Variants in C12orf56 observed in about 807,000 individuals in gnomAD.
C12orf56 encodes the protein chromosome 12 open reading frame 56, also known as uncharacterized protein C12orf56.
Under a neutral mutation model 69.9 loss-of-function variants are expected in C12orf56, and 71 were observed. That is an observed-to-expected ratio of 1.02 (90% CI 0.84 to 1.24). The LOEUF is 1.24. Ranked by LOEUF, C12orf56 falls within the 50% of genes most tolerant of loss-of-function variation. The probability of loss-of-function intolerance (pLI) is 0.00; values close to 1 mark genes in which losing one functional copy is unlikely to be tolerated. For synonymous variants in C12orf56, 276 were observed against 274.1 expected (o/e 1.01, Z -0.07); for missense variants, 732 against 738.5 (o/e 0.99, Z 0.10).
chr12:64,280,528 G>A (rs2038107713), intron 8 of C12orf56, among the ~76,000 whole-genome samples: 1 of 152,124 alleles, frequency 6.6e-6, no homozygotes, highest in African/African-American at 2.4e-5. Context: ...TTCCCCTTAA[G>A]TATGGGCAAT....
In C12orf56 at chr12:64,390,409, C is replaced by T; in HGVS notation, c.157G>A (p.Val53Met). The change falls in exon 1 of 13, where the codon GTG becomes ATG. Residue 53 changes from valine (V) to methionine (M), a missense_variant. Val to Met is a conservative substitution (Grantham distance 21). Coordinates refer to ENST00000543942, the MANE Select transcript of C12orf56 (RefSeq NM_001170633.2). Reference protein sequence around the residue: ...SNSENHILKYVVLSDRLVYLT... With the variant: ...SNSENHILKYMVLSDRLVYLT... ...TAGACGAGCCGGTCGCTTAGCACCA[C>T]ATACTTGAGGATGTGGTTCTCAGAG... 2 of 1,613,290 alleles carry T rather than the reference C, an allele frequency of 1.2e-6. No homozygotes were observed. The highest frequency in any genetic ancestry group is 1.7e-6 in the Non-Finnish European group (2 of 1,179,764).
chr12:64,390,273 C>A, intron 1 of C12orf56, 41 bp downstream of exon 1: 1 of 1,556,918 alleles, frequency 6.4e-7, no homozygotes, highest in South Asian at 1.2e-5. Flanking sequence ...CGGGAGTTCT[C>A]ACTGCGCTCC....
intron 1 of C12orf56, among the ~76,000 whole-genome samples, chr12:64,386,710 T>C (rs929195302): frequency 6.6e-6 from 1 of 151,990 alleles, no homozygotes; most frequent in Non-Finnish European, 1.5e-5. Flanking sequence ...TTTATATTTT[T>C]AGTAGAGATG....
At chr12:64,354,157 G>A (rs952416243) in intron 1 of C12orf56, among the ~76,000 whole-genome samples, 1 of 152,138 alleles carries the variant, frequency 6.6e-6, no homozygotes, top group African/African-American at 2.4e-5. Flanking sequence ...TCTCTCCAAC[G>A]TGCTCTGTTC....
chr12:64,344,798 C>A (rs959610666), intron 2 of C12orf56, among the ~76,000 whole-genome samples: 1 of 152,118 alleles, frequency 6.6e-6, no homozygotes, highest in Non-Finnish European at 1.5e-5. Flanking sequence ...TCCACTCCAC[C>A]ATCCCAAACT....
In C12orf56 at chr12:64,376,462, C is replaced by T. The variant is rs1258521795; in HGVS notation, c.252+13852G>A. Among the ~76,000 whole-genome samples, 5 of 152,310 alleles carry T rather than the reference C, an allele frequency of 3.3e-5. No individual in the cohort carries two copies. The South Asian group carries it at 1.0e-3, about 32-fold the overall frequency. On this transcript the variant is annotated intron_variant, in intron 1 of 12. Coordinates refer to ENST00000543942, the MANE Select transcript of C12orf56 (RefSeq NM_001170633.2). ...CCTAGTTATAATGATTTAAAATCCA[C>T]GGTCCGAAACAGCAATTACTTTTGT...
chr12:64,330,505 CTT>C (rs1400910254), intron 3 of C12orf56, among the ~76,000 whole-genome samples: 1 of 152,160 alleles, frequency 6.6e-6, no homozygotes. Flanking sequence ...CTTTAAATCT[CTT>C]TGAAAATTGC....
Position 64,270,728 on chromosome 12 carries a change from ATACAGT to A in C12orf56, c.1585-20_1585-15del. 3 of 1,590,772 alleles carry A rather than the reference ATACAGT, an allele frequency of 1.9e-6. No individual in the cohort carries two copies. Among genetic ancestry groups the A allele is most frequent in the Non-Finnish European group, 2.6e-6 (3 of 1,170,132 alleles). On this transcript the variant is annotated splice_polypyrimidine_tract_variant and intron_variant, in intron 11 of 12. Coordinates refer to ENST00000543942, the MANE Select transcript of C12orf56 (RefSeq NM_001170633.2). Reference sequence around the variant, plus strand: ...CACAAAAGTAATCTAGACAAGGAAAATACAGTTACATGTAGGCTGTGTGCCACCCAC... The same window carrying A: ...CACAAAAGTAATCTAGACAAGGAAAATACATGTAGGCTGTGTGCCACCCAC...
At position 64,276,993 on chromosome 12, in the gene C12orf56, T is replaced by TAAAAAAAAAAAAAAAAAAAAAAAAA. The variant is rs200351319; in HGVS notation, c.1434+686_1434+687insTTTTTTTTTTTTTTTTTTTTTTTTT. On this transcript the variant is annotated intron_variant, in intron 9 of 12. Coordinates refer to ENST00000543942, the MANE Select transcript of C12orf56 (RefSeq NM_001170633.2). ...TGGGCAACAGAGTGAAACCCTTTCT[T>TAAAAAAAAAAAAAAAAAAAAAAAAA]AAAAAAAAAAAAAAAAAAAAAAATT... Among the ~76,000 whole-genome samples the TAAAAAAAAAAAAAAAAAAAAAAAAA allele has an allele frequency of 2.0e-4, 14 of 69,214 alleles. 2 individuals are homozygous for TAAAAAAAAAAAAAAAAAAAAAAAAA. The highest frequency in any genetic ancestry group is 8.1e-4 in the African/African-American group (14 of 17,386). The allele number at this position is 69,214 out of a possible 152,430, so 45.4% of individuals were successfully genotyped here. A position where few individuals can be genotyped will look rare whatever the true frequency, so the allele number is the denominator to read the frequency against.
intron 2 of C12orf56, among the ~76,000 whole-genome samples, chr12:64,351,760 G>T (rs556712388): frequency 6.6e-6 from 1 of 151,796 alleles, no homozygotes; most frequent in Non-Finnish European, 1.5e-5. Flanking sequence ...AGGAAGAGAT[G>T]GGAATGTGGG....
intron 3 of C12orf56, among the ~76,000 whole-genome samples, chr12:64,326,739 C>CAAA (rs35874771): frequency 6.9e-6 from 1 of 145,860 alleles, no homozygotes; most frequent in Non-Finnish European, 1.5e-5. Context: ...GACTCTGTCT[C>CAAA]AAAAAAAAAA....
chr12:64,390,394 G>A lies in C12orf56; in HGVS notation c.172C>T (p.Arg58Trp). The change falls in exon 1 of 13, where the codon CGG becomes TGG. Residue 58 changes from arginine (R) to tryptophan (W), a missense_variant. Transcript: ENST00000543942. Reference protein sequence around the residue: ...HILKYVVLSDRLVYLTENPPK... With the variant: ...HILKYVVLSDWLVYLTENPPK... ...GGGTTCTCGGTTAGGTAGACGAGCCGGTCGCTTAGCACCACATACTTGAGG... is the reference window on the plus strand; with the variant it reads ...GGGTTCTCGGTTAGGTAGACGAGCCAGTCGCTTAGCACCACATACTTGAGG... The A allele has an allele frequency of 6.2e-7, 1 of 1,613,302 alleles. No individual in the cohort carries two copies. Among genetic ancestry groups the A allele is most frequent in the Non-Finnish European group, 8.5e-7 (1 of 1,179,752 alleles).
At chr12:64,380,103 G>T (rs1214456449) in intron 1 of C12orf56, among the ~76,000 whole-genome samples, 8 of 19,740 alleles carry the variant, frequency 4.1e-4, no homozygotes, top group African/African-American at 1.9e-3. Flanking sequence ...AGACTCCGTC[G>T]CAAAAAAAAA....
At chr12:64,339,329 A>G (rs891704128) in intron 2 of C12orf56, among the ~76,000 whole-genome samples, 5 of 152,158 alleles carry the variant, frequency 3.3e-5, no homozygotes, top group Non-Finnish European at 5.9e-5. Context: ...AATAATTTGC[A>G]AGAACAGCTC....
At position 64,284,767 on chromosome 12, in the gene C12orf56, G is replaced by C. The variant is rs190823490; in HGVS notation, c.1221-14C>G. The C allele has an allele frequency of 3.2e-6, 5 of 1,549,264 alleles. No homozygotes were observed. In the South Asian group the frequency reaches 6.1e-5, roughly 19 times the overall value. On this transcript the variant is annotated splice_polypyrimidine_tract_variant and intron_variant, in intron 7 of 12. Coordinates refer to ENST00000543942, the MANE Select transcript of C12orf56 (RefSeq NM_001170633.2). ...TCAATGCATGCCCTAGAAAATAAACGATAAAAGGCAAAGAAATGGCATGAT... is the reference window on the plus strand; with the variant it reads ...TCAATGCATGCCCTAGAAAATAAACCATAAAAGGCAAAGAAATGGCATGAT...
Position 64,380,124 on chromosome 12 carries a change from AAAAAAAAAAAC to A in C12orf56, c.252+10179_252+10189del, listed in dbSNP as rs869032897. Reference sequence around the variant, plus strand: ...CGTCGCAAAAAAAAAAAAAAAAAAAAAAAAAAAAAACAAAACAAACAAAAAAAAACGCACAA... The same window carrying A: ...CGTCGCAAAAAAAAAAAAAAAAAAAAAAAACAAACAAAAAAAAACGCACAA... On this transcript the variant is annotated intron_variant, in intron 1 of 12. Transcript: ENST00000543942. Among the ~76,000 whole-genome samples the A allele has an allele frequency of 7.2e-4, 65 of 90,266 alleles. 5 individuals carry two copies. The highest frequency in any genetic ancestry group is 2.6e-3 in the African/African-American group (65 of 25,370). 59.2% of individuals were successfully genotyped at this position (90,266 alleles called of 152,430 possible).
intron 9 of C12orf56, among the ~76,000 whole-genome samples, chr12:64,276,006 C>A (rs114396380): frequency 1.5e-4 from 23 of 150,474 alleles, no homozygotes; most frequent in African/African-American, 5.5e-4. Context: ...TACACACCCC[C>A]CCCCGCGAGT....
At chr12:64,370,350 C>G (rs2039553893) in intron 1 of C12orf56, among the ~76,000 whole-genome samples, 1 of 148,388 alleles carries the variant, frequency 6.7e-6, no homozygotes, top group South Asian at 2.1e-4. Flanking sequence ...GCCCATGCGC[C>G]CCCCCAAAAA....
rs1555193400 is a variant in C12orf56 at position 64,358,482 on chromosome 12, A to AATCATCATCATCATC, written c.253-5441_253-5427dup. On this transcript the variant is annotated intron_variant, in intron 1 of 12. Transcript: ENST00000543942. ...CAAAAGTAATAATAATAATAATAAT[A>AATCATCATCATCATC]ATCATCATCATCATCATCATCATCA... Among the ~76,000 whole-genome samples, 156 of 125,930 alleles carry AATCATCATCATCATC rather than the reference A, an allele frequency of 1.2e-3. 1 individual carries two copies. Among genetic ancestry groups the AATCATCATCATCATC allele is most frequent in the African/African-American group, 2.8e-3 (93 of 33,244 alleles). The allele number at this position is 125,930 out of a possible 152,430, so 82.6% of individuals were successfully genotyped here. A position where few individuals can be genotyped will look rare whatever the true frequency, so the allele number is the denominator to read the frequency against.
Sources: allele counts gnomAD v4.1 joint callset (sites outside exome capture counted in the v4.1 genomes callset), GRCh38; gene constraint gnomAD v4.1.1; transcripts MANE v1.5; gene names NCBI Gene and HGNC (gene_info 2026-07-23, HGNC 2026-07-21).